Variants in HERC2 observed in about 807,000 individuals in gnomAD.
HERC2 encodes the protein E3 ubiquitin-protein ligase HERC2.
HERC2 carries 102 observed loss-of-function variants against 537.7 expected under a neutral mutation model. The ratio of observed to expected loss-of-function variants is 0.19; its 90% CI spans 0.16 to 0.22. The LOEUF (loss-of-function observed/expected upper bound fraction) is 0.22, where lower values mean the gene tolerates loss of function less well. HERC2 is among the 10% of genes least tolerant of loss of function. The pLI is 1.00. For synonymous variants in HERC2, 2,224 were observed against 2,466.2 expected (o/e 0.90, Z 2.91); for missense variants, 4,236 against 6,198.2 (o/e 0.68, Z 10.63).
chr15:28,154,399 T>A (rs1397924256), intron 69 of HERC2, among the ~76,000 whole-genome samples: 1 of 152,214 alleles, frequency 6.6e-6, no homozygotes, highest in African/African-American at 2.4e-5. Context: ...GAAATAGCCA[T>A]CTTGCCAACC....
At chr15:28,126,789 A>G (rs1889539741) in intron 83 of HERC2, among the ~76,000 whole-genome samples, 2 of 152,150 alleles carry the variant, frequency 1.3e-5, no homozygotes, top group Admixed American at 1.3e-4. Flanking sequence ...GGGAGCACCC[A>G]CCTCTCAGAC....
rs998017294 is a variant in HERC2 at position 28,136,689 on chromosome 15, G to C, written c.12016-997C>G. ...TTCTTTCTGTAAATGAAGCTTTACG[G>C]GAACACGGCCACACCCACTCATTTA... On this transcript the variant is annotated intron_variant, in intron 78 of 92. Coordinates refer to ENST00000261609, the MANE Select transcript of HERC2 (RefSeq NM_004667.6). 2.1e-4 allele frequency among the ~76,000 whole-genome samples: 32 copies of C among 152,208 alleles called. 1 individual carries two copies. Among genetic ancestry groups the C allele is most frequent in the Admixed American group, 2.0e-3 (31 of 15,288 alleles).
intron 10 of HERC2, among the ~76,000 whole-genome samples, chr15:28,270,422 G>A (rs186048262): frequency 2.0e-5 from 3 of 152,148 alleles, no homozygotes; most frequent in Non-Finnish European, 4.4e-5. Flanking sequence ...GGGAGGGCCT[G>A]GGGCTGTGGA....
At position 28,214,789 on chromosome 15, in the gene HERC2, T is replaced by C; in HGVS notation, c.6224A>G (p.His2075Arg). Residue 2075 changes from histidine to arginine, a missense_variant, in exon 40 of 93, where the codon CAT (histidine) becomes CGT (arginine). By Grantham distance (29) the His-to-Arg change is conservative. Transcript: ENST00000261609. ...TSLQRQILAV[H>R]LLQAVLPSWD... Reference sequence around the variant, plus strand: ...TGATGGAAGGACTGCTTGCAACAAATGCACAGCTAAGATCTGATAAAAGAA... The same window carrying C: ...TGATGGAAGGACTGCTTGCAACAAACGCACAGCTAAGATCTGATAAAAGAA... 6.2e-7 allele frequency: 1 copy of C among 1,611,642 alleles called. No individual in the cohort carries two copies. The highest frequency in any genetic ancestry group is 1.7e-5 in the Admixed American group (1 of 60,012).
chr15:28,186,489 C>A, intron 56 of HERC2, 88 bp downstream of exon 56: 1 of 1,035,018 alleles, frequency 9.7e-7, no homozygotes, highest in East Asian at 2.6e-5. Context: ...CAGTATGAGA[C>A]ACATTCTAAT....
At chr15:28,276,961 G>A (rs2075890249) in intron 5 of HERC2, among the ~76,000 whole-genome samples, 2 of 152,072 alleles carry the variant, frequency 1.3e-5, no homozygotes, top group South Asian at 4.1e-4. Context: ...TGTAGTCCCA[G>A]CTACTCAGGA....
chr15:28,129,603 C>T (rs1269352460), intron 83 of HERC2, among the ~76,000 whole-genome samples: 1 of 152,246 alleles, frequency 6.6e-6, no homozygotes, highest in Non-Finnish European at 1.5e-5. Context: ...GCCAAGCCTG[C>T]AGCAGGTCTG....
chr15:28,150,031 A>T (rs2090462611), intron 70 of HERC2, among the ~76,000 whole-genome samples: 2 of 152,238 alleles, frequency 1.3e-5, no homozygotes, highest in Admixed American at 1.3e-4. Context: ...TACCAAAAAA[A>T]CACACGTGAC....
rs1450134070 is a variant in HERC2 at position 28,268,696 on chromosome 15, T to A, written c.1447-80A>T. 14 of 1,234,458 alleles carry A rather than the reference T, an allele frequency of 1.1e-5. No individual in the cohort carries two copies. The Admixed American group carries it at 1.9e-4, about 17-fold the overall frequency. 76.5% of individuals were successfully genotyped at this position (1,234,458 alleles called of 1,614,324 possible). A position where few individuals can be genotyped will look rare whatever the true frequency, so the allele number is the denominator to read the frequency against. On this transcript the variant is annotated intron_variant, in intron 11 of 92. Transcript: ENST00000261609. The surrounding 1 kb of genome is among the most constrained non-coding windows in gnomAD (Gnocchi z 4.7). ...CAGCTCAGCTCTCCGTTATCATGTA[T>A]CCCCAAGCAAAGCCTGCTGTAACTC... is the stretch of plus-strand genomic sequence containing the variant.
At chr15:28,258,743 A>C (rs2075336704) in intron 16 of HERC2, among the ~76,000 whole-genome samples, 1 of 152,244 alleles carries the variant, frequency 6.6e-6, no homozygotes, top group Non-Finnish European at 1.5e-5. Flanking sequence ...ACAAAAGCAG[A>C]AATCAATGAG....
chr15:28,209,410 C>T (rs548477393), intron 44 of HERC2, among the ~76,000 whole-genome samples: 4 of 152,102 alleles, frequency 2.6e-5, no homozygotes, highest in Non-Finnish European at 5.9e-5. Flanking sequence ...GTGACACGAT[C>T]TCGCCTCACT....
At chr15:28,267,280 A>G (rs1014590431) in intron 12 of HERC2, among the ~76,000 whole-genome samples, 1 of 152,078 alleles carries the variant, frequency 6.6e-6, no homozygotes, top group Non-Finnish European at 1.5e-5. Flanking sequence ...ATTTCCCCAA[A>G]AGGTTATCTC....
intron 2 of HERC2, among the ~76,000 whole-genome samples, chr15:28,320,726 T>C (rs75777342): frequency 7.0e-6 from 1 of 142,124 alleles, no homozygotes; most frequent in Non-Finnish European, 1.5e-5. Context: ...TGGGTGTAAA[T>C]AATTGTCTAT....
Position 28,113,644 on chromosome 15 carries a change from G to T in HERC2, c.13948C>A (p.Arg4650=), listed in dbSNP as rs762466850. 1 of 1,613,994 alleles carries T rather than the reference G, an allele frequency of 6.2e-7. No individual in the cohort carries two copies. The highest frequency in any genetic ancestry group is 8.5e-7 in the Non-Finnish European group (1 of 1,180,002). ...GGCACAACGCGGGCCATTCCTTCCC[G>T]AACAGCAGCCACCTGCTCATCAAAT... ...HEFDEQVAAV[R]EGMARVVPVP... The change falls in exon 91 of 93, where the codon CGG becomes AGG. Residue 4650 remains arginine, a synonymous_variant. Coordinates refer to ENST00000261609, the MANE Select transcript of HERC2 (RefSeq NM_004667.6). This position sits in a 1 kb window ranked among gnomAD's most constrained non-coding sequence, Gnocchi z 7.0.
At position 28,153,119 on chromosome 15, in the gene HERC2, C is replaced by A. The variant is rs540540468; in HGVS notation, c.10747-289G>T. Among the ~76,000 whole-genome samples, 7 of 152,276 alleles carry A rather than the reference C, an allele frequency of 4.6e-5. No homozygotes were observed. In the South Asian group the frequency reaches 1.4e-3, roughly 32 times the overall value. On this transcript the variant is annotated intron_variant, in intron 69 of 92. Transcript: ENST00000261609. ...CTGGAATCCCAGCACTTTGGAAGGCCGAGGCAAGCGGATCACCTGAGGTCA... is the reference window on the plus strand; with the variant it reads ...CTGGAATCCCAGCACTTTGGAAGGCAGAGGCAAGCGGATCACCTGAGGTCA...
intron 86 of HERC2, 43 bp downstream of exon 86, chr15:28,121,303 C>T: frequency 1.3e-6 from 2 of 1,567,060 alleles, no homozygotes; most frequent in Non-Finnish European, 1.8e-6. Context: ...GAAAGCATCA[C>T]TTCTAAGGCT....
Position 28,176,603 on chromosome 15 carries a change from G to C in HERC2, c.9515-4C>G. On this transcript the variant is annotated splice_polypyrimidine_tract_variant and splice_region_variant and intron_variant, in intron 62 of 92. Coordinates refer to ENST00000261609, the MANE Select transcript of HERC2 (RefSeq NM_004667.6). This position sits in a 1 kb window ranked among gnomAD's most constrained non-coding sequence, Gnocchi z 5.0. ...TCACCCCAGGAAAATACCAAACCTAGGTTTAAGAAACACATATACTTCAGG... is the reference window on the plus strand; with the variant it reads ...TCACCCCAGGAAAATACCAAACCTACGTTTAAGAAACACATATACTTCAGG... The C allele has an allele frequency of 6.2e-7, 1 of 1,614,034 alleles. No homozygotes were observed. Among genetic ancestry groups the C allele is most frequent in the Non-Finnish European group, 8.5e-7 (1 of 1,179,988 alleles).
chr15:28,235,334 A>G (rs1902314312), intron 26 of HERC2, among the ~76,000 whole-genome samples: 1 of 152,088 alleles, frequency 6.6e-6, no homozygotes, highest in Non-Finnish European at 1.5e-5. Flanking sequence ...GCCAGGGCCC[A>G]TGGCACCCTC....
chr15:28,215,201 C>T lies in HERC2; in HGVS notation c.6211-399G>A, dbSNP rs970910814. 1.3e-4 allele frequency among the ~76,000 whole-genome samples: 20 copies of T among 152,128 alleles called. No homozygotes were observed. In the South Asian group the frequency reaches 1.9e-3, roughly 14 times the overall value. ...CTCTCTTTATTTTCTGTTCTCATAA[C>T]GCAAGTAATCAAGTGAAAATTTTGA... is the stretch of plus-strand genomic sequence containing the variant. On this transcript the variant is annotated intron_variant, in intron 39 of 92. Coordinates refer to ENST00000261609, the MANE Select transcript of HERC2 (RefSeq NM_004667.6).
Sources: gnomAD v4.1 joint callset for allele counts (sites outside exome capture counted in the v4.1 genomes callset) on GRCh38, gnomAD v4.1.1 for gene constraint, Gnocchi (gnomAD v3.1) non-coding constraint, MANE v1.5 for transcripts, NCBI Gene and HGNC (gene_info 2026-07-23, HGNC 2026-07-21) for gene names.